The following SPAG11B variants were observed in gnomAD, a reference collection of about 807,000 sequenced individuals.
SPAG11B encodes sperm associated antigen 11B.
In SPAG11B, 5 loss-of-function variants were observed where a neutral mutation model predicts 8.9. The observed-to-expected ratio is 0.56, with a 90% CI of 0.29 to 1.19. The LOEUF (loss-of-function observed/expected upper bound fraction) is 1.19, where lower values mean the gene tolerates loss of function less well. SPAG11B is among the 50% of genes most tolerant of loss of function. SPAG11B has a pLI of 0.08. For missense variants in SPAG11B, 38 were observed against 146.4 expected (o/e 0.26, Z 3.82); for synonymous variants, 12 against 53.0 (o/e 0.23, Z 3.36).
intron 2 of SPAG11B, chr8:7,451,194 T>C (rs768132255): frequency 1.9e-6 from 3 of 1,556,470 alleles, no homozygotes; most frequent in Non-Finnish European, 2.6e-6. Context: ...CGGTGAGAGA[T>C]GTGCACTAGA....
At chr8:7,449,390 C>A (rs1481524472), downstream of SPAG11B, among the ~76,000 whole-genome samples, 1 of 146,590 alleles carries the variant, frequency 6.8e-6, no homozygotes, top group Non-Finnish European at 1.5e-5. Context: ...TGGTGGCACT[C>A]CTGGCTGAGA....
chr8:7,458,990 G>A (rs1367909691), intron 2 of SPAG11B, among the ~76,000 whole-genome samples: 1 of 90,232 alleles, frequency 1.1e-5, no homozygotes, highest in Non-Finnish European at 2.0e-5. Context: ...CCTGAGGTCG[G>A]GAGTTTGAGA....
chr8:7,453,510 G>A (rs1810313180), intron 2 of SPAG11B, among the ~76,000 whole-genome samples: 3 of 147,410 alleles, frequency 2.0e-5, no homozygotes, highest in Admixed American at 2.0e-4. Flanking sequence ...GCAGACTCTA[G>A]ATATCATTCT....
chr8:7,450,475 A>T (rs1396504968), downstream of SPAG11B: 3 of 881,538 alleles, frequency 3.4e-6, no homozygotes, highest in Admixed American at 1.0e-4. Flanking sequence ...CCATCTCCAG[A>T]TACTTAAGAG....
At chr8:7,452,898 GA>G (rs1171003886) in intron 2 of SPAG11B, among the ~76,000 whole-genome samples, 7 of 137,674 alleles carry the variant, frequency 5.1e-5, no homozygotes, top group Non-Finnish European at 9.3e-5. Context: ...AACAAGAATA[GA>G]AAAACAAGAA....
intron 2 of SPAG11B, among the ~76,000 whole-genome samples, chr8:7,454,044 T>C (rs1421842705): frequency 7.9e-6 from 1 of 127,220 alleles, no homozygotes. Context: ...ATTCTTTCTC[T>C]GTGGAGCATT....
At chr8:7,454,080 C>T (rs1810356789) in intron 2 of SPAG11B, among the ~76,000 whole-genome samples, 1 of 100,246 alleles carries the variant, frequency 1.0e-5, no homozygotes, top group Non-Finnish European at 1.9e-5. Flanking sequence ...TCTGAAATCT[C>T]TCAAAAAAAA....
chr8:7,452,990 T>C (rs1323941351), intron 2 of SPAG11B, among the ~76,000 whole-genome samples: 1 of 147,670 alleles, frequency 6.8e-6, no homozygotes, highest in Non-Finnish European at 1.5e-5. Flanking sequence ...ACCACATTAT[T>C]CCAAAAATTT....
chr8:7,450,207 T>C (rs187229932), downstream of SPAG11B, among the ~76,000 whole-genome samples: 586 of 127,200 alleles, frequency 4.6e-3, 37 homozygotes, highest in Non-Finnish European at 7.3e-3. Context: ...CAGCTTGTTG[T>C]ATTAATAAAT....
chr8:7,459,532 C>T lies in SPAG11B; in HGVS notation c.214+3175G>A, dbSNP rs1237299724. On this transcript the variant is annotated intron_variant, in intron 2 of 2. Coordinates refer to ENST00000398462, the MANE Select transcript of SPAG11B (RefSeq NM_058201.4). ...AAAACAGGTGGGAAGAGCTGAGACACACTCCCCGCACAATCCCTATCCCAG... is the reference window on the plus strand; with the variant it reads ...AAAACAGGTGGGAAGAGCTGAGACATACTCCCCGCACAATCCCTATCCCAG... Among the ~76,000 whole-genome samples, 18 of 148,982 alleles carry T rather than the reference C, an allele frequency of 1.2e-4. 1 individual carries two copies. Among genetic ancestry groups the T allele is most frequent in the African/African-American group, 4.2e-4 (17 of 40,616 alleles).
rs1810108196 is a variant in SPAG11B at position 7,450,978 on chromosome 8, A to T, written c.215-78T>A. ...AGAAGATGACCCCAGCCCGCTGCCAAGGGTTATATATTCTGACAAGGCTAA... is the reference window on the plus strand; with the variant it reads ...AGAAGATGACCCCAGCCCGCTGCCATGGGTTATATATTCTGACAAGGCTAA... On this transcript the variant is annotated intron_variant, in intron 2 of 2. Transcript: ENST00000398462. The T allele has an allele frequency of 2.3e-5, 35 of 1,527,034 alleles. 1 individual carries two copies. In the South Asian group the frequency reaches 3.9e-4, roughly 17 times the overall value. 94.6% of individuals were successfully genotyped at this position (1,527,034 alleles called of 1,614,324 possible).
rs879144968 is a variant in SPAG11B, at chr8:7,450,976, C to G, written c.215-76G>C. On this transcript the variant is annotated intron_variant, in intron 2 of 2. Coordinates refer to ENST00000398462, the MANE Select transcript of SPAG11B (RefSeq NM_058201.4). ...ATAGAAGATGACCCCAGCCCGCTGC[C>G]AAGGGTTATATATTCTGACAAGGCT... 2.6e-6 allele frequency: 4 copies of G among 1,529,768 alleles called. No homozygotes were observed. The South Asian group carries it at 4.8e-5, about 18-fold the overall frequency. The allele number at this position is 1,529,768 out of a possible 1,614,324, so 94.8% of individuals were successfully genotyped here.
chr8:7,449,466 G>C (rs1318278316), downstream of SPAG11B, among the ~76,000 whole-genome samples: 2 of 148,952 alleles, frequency 1.3e-5, 1 homozygote, highest in African/African-American at 5.1e-5. Context: ...GCTAATAGGG[G>C]CCAATGCCCT....
downstream of SPAG11B, among the ~76,000 whole-genome samples, chr8:7,449,814 C>G (rs1179326909): frequency 7.0e-6 from 1 of 142,296 alleles, no homozygotes; most frequent in Non-Finnish European, 1.5e-5. Context: ...AGCATCTTCC[C>G]AAGCCACCTG....
intron 2 of SPAG11B, among the ~76,000 whole-genome samples, chr8:7,453,838 C>T (rs1166483828): frequency 1.3e-5 from 2 of 149,034 alleles, no homozygotes; most frequent in Non-Finnish European, 3.0e-5. Flanking sequence ...CTTTCTGTAC[C>T]TTGCAAAATC....
rs1443017784 is a variant in SPAG11B, at chr8:7,450,873, GT to G, written c.241del (p.Thr81ProfsTer56). ...QGDVPPGIRN[T>X]ICHMQQGICR... is the part of the protein sequence containing the mutation. ...GATCCCTTGCTGCATATGGCAGATGGTATTTCTAATTCCCGGTGGAACATCC... is the reference window on the plus strand; with the variant it reads ...GATCCCTTGCTGCATATGGCAGATGGATTTCTAATTCCCGGTGGAACATCC... On this transcript the variant is annotated frameshift_variant, in exon 3 of 3. Coordinates refer to ENST00000398462, the MANE Select transcript of SPAG11B (RefSeq NM_058201.4). LOFTEE classifies it high-confidence loss of function. 1 of 1,551,746 alleles carries G rather than the reference GT, an allele frequency of 6.4e-7. No homozygotes were observed. Among genetic ancestry groups the G allele is most frequent in the Non-Finnish European group, 8.8e-7 (1 of 1,140,550 alleles).
intron 2 of SPAG11B, among the ~76,000 whole-genome samples, chr8:7,453,738 G>A (rs1170231503): frequency 6.7e-6 from 1 of 148,536 alleles, no homozygotes; most frequent in South Asian, 2.1e-4. Flanking sequence ...TCTCAAAGAG[G>A]CAGGGGCTGG....
At chr8:7,452,701 A>G (rs1361693563) in intron 2 of SPAG11B, among the ~76,000 whole-genome samples, 2 of 67,976 alleles carry the variant, frequency 2.9e-5, no homozygotes, top group African/African-American at 1.3e-4. Context: ...GGTGTCCACC[A>G]CAGTTGAGCA....
At chr8:7,458,637 A>T (rs1169911175) in intron 2 of SPAG11B, among the ~76,000 whole-genome samples, 1 of 123,174 alleles carries the variant, frequency 8.1e-6, no homozygotes, top group African/African-American at 3.4e-5. Flanking sequence ...AAAAATAATT[A>T]AAAATCTAAT....
Sources: allele counts gnomAD v4.1 joint callset (sites outside exome capture counted in the v4.1 genomes callset), GRCh38; gene constraint gnomAD v4.1.1; transcripts MANE v1.5; gene names NCBI Gene and HGNC (gene_info 2026-07-23, HGNC 2026-07-21).